Variants in PTN observed in about 807,000 individuals in gnomAD.
The protein encoded by PTN is heparin affin regulatory protein.
PTN carries 18 observed loss-of-function variants against 24.1 expected under a neutral mutation model. The observed-to-expected ratio is 0.75, with a 90% confidence interval of 0.52 to 1.11. The LOEUF (loss-of-function observed/expected upper bound fraction) is 1.11. Ranked by LOEUF, PTN falls within the 50% of genes least tolerant of loss-of-function variation. The pLI, the probability that PTN is intolerant of heterozygous loss-of-function variation, is 0.00. For missense variants in PTN, 163 were observed against 198.8 expected (o/e 0.82, Z 1.08); for synonymous variants, 78 against 68.6 (o/e 1.14, Z -0.67).
Position 137,227,855 on chromosome 7 carries a change from C to A in PTN, c.*165G>T. On this transcript the variant is annotated 3_prime_UTR_variant, in exon 5 of 5. Transcript: ENST00000348225. ...AAGCCCCTACTGGTACTATAGTATA[C>A]ATTTAAAAAACGCTACTACAAAAAT... is the stretch of plus-strand genomic sequence containing the variant. 1.4e-6 allele frequency: 1 copy of A among 721,066 alleles called. No homozygotes were observed. Among genetic ancestry groups the A allele is most frequent in the Middle Eastern group, 3.4e-4 (1 of 2,966 alleles). 44.7% of individuals were successfully genotyped at this position (721,066 alleles called of 1,614,324 possible).
At chr7:137,276,432 C>T (rs1465360353) in intron 1 of PTN, among the ~76,000 whole-genome samples, 1 of 152,126 alleles carries the variant, frequency 6.6e-6, no homozygotes, top group Non-Finnish European at 1.5e-5. Flanking sequence ...TAGAAGAGGA[C>T]GTCCTGCAAT....
At chr7:137,314,880 A>T (rs1810045177) in intron 1 of PTN, among the ~76,000 whole-genome samples, 1 of 152,168 alleles carries the variant, frequency 6.6e-6, no homozygotes, top group Non-Finnish European at 1.5e-5. Flanking sequence ...GGTGTGAGCC[A>T]CCGCACCCGG....
At chr7:137,251,736 T>C (rs1808831565) in intron 3 of PTN, among the ~76,000 whole-genome samples, 2 of 151,888 alleles carry the variant, frequency 1.3e-5, no homozygotes, top group Non-Finnish European at 2.9e-5. Flanking sequence ...ATCTGTTCTC[T>C]AGCTCTATCA....
chr7:137,297,931 T>C (rs1054230699), intron 1 of PTN, among the ~76,000 whole-genome samples: 1 of 151,940 alleles, frequency 6.6e-6, no homozygotes, highest in African/African-American at 2.4e-5. Context: ...TGTTTCCAGG[T>C]GTCGTTTACC....
At chr7:137,336,397 T>C (rs1406457625) in intron 1 of PTN, among the ~76,000 whole-genome samples, 1 of 152,074 alleles carries the variant, frequency 6.6e-6, no homozygotes, top group Non-Finnish European at 1.5e-5. Flanking sequence ...AGAGAGAATG[T>C]GGTTATGAGC....
chr7:137,333,146 T>C (rs1319922816), intron 1 of PTN, among the ~76,000 whole-genome samples: 2 of 152,086 alleles, frequency 1.3e-5, no homozygotes, highest in Admixed American at 1.3e-4. Context: ...CAGGAGCTGA[T>C]TGTTAAAAAG....
At chr7:137,298,614 G>T (rs1357977566) in intron 1 of PTN, among the ~76,000 whole-genome samples, 1 of 151,788 alleles carries the variant, frequency 6.6e-6, no homozygotes, top group African/African-American at 2.4e-5. Context: ...TTCCATAGAG[G>T]CTCTACTTTA....
At chr7:137,231,843 C>T (rs1272100745) in intron 4 of PTN, among the ~76,000 whole-genome samples, 2 of 151,874 alleles carry the variant, frequency 1.3e-5, no homozygotes, top group African/African-American at 4.8e-5. Context: ...TTTCTTAAAA[C>T]TTTGTCTTTA....
intron 4 of PTN, among the ~76,000 whole-genome samples, chr7:137,246,130 TC>T (rs1344986129): frequency 6.6e-6 from 1 of 152,142 alleles, no homozygotes; most frequent in Non-Finnish European, 1.5e-5. Context: ...CAGAGCAACT[TC>T]CAGTCCTGCA....
intron 1 of PTN, among the ~76,000 whole-genome samples, chr7:137,341,265 C>T (rs1810529227): frequency 2.6e-5 from 4 of 152,054 alleles, no homozygotes; most frequent in Admixed American, 2.6e-4. Context: ...AACAACTAGG[C>T]TTTTATGAAA....
intron 1 of PTN, among the ~76,000 whole-genome samples, chr7:137,294,895 C>G (rs995378388): frequency 8.6e-5 from 13 of 152,026 alleles, no homozygotes. Flanking sequence ...AAGTGGCTCA[C>G]AGAATTTTAA....
chr7:137,285,729 T>C (rs1329489452), intron 1 of PTN, among the ~76,000 whole-genome samples: 2 of 152,236 alleles, frequency 1.3e-5, no homozygotes, highest in African/African-American at 4.8e-5. Flanking sequence ...TTAGACCATA[T>C]AATAACATCT....
chr7:137,262,677 G>T (rs2128872851), intron 1 of PTN, among the ~76,000 whole-genome samples: 1 of 152,302 alleles, frequency 6.6e-6, no homozygotes, highest in Non-Finnish European at 1.5e-5. Context: ...GGGTCCACAT[G>T]AGAGGGTCGT....
chr7:137,283,362 C>T (rs1809502994), intron 1 of PTN, among the ~76,000 whole-genome samples: 1 of 152,068 alleles, frequency 6.6e-6, no homozygotes. Flanking sequence ...CTATTTCCAG[C>T]CGATTCAGTT....
chr7:137,310,643 A>G (rs1013356743), intron 1 of PTN, among the ~76,000 whole-genome samples: 3 of 151,984 alleles, frequency 2.0e-5, no homozygotes, highest in Non-Finnish European at 2.9e-5. Context: ...TGACCTCATG[A>G]TCCGCCTGTC....
intron 4 of PTN, among the ~76,000 whole-genome samples, chr7:137,236,647 C>G (rs1207579232): frequency 6.6e-6 from 1 of 152,028 alleles, no homozygotes; most frequent in Non-Finnish European, 1.5e-5. Flanking sequence ...ACCTCTATAC[C>G]TAAACACAAA....
chr7:137,245,608 G>GT (rs1563198080), intron 4 of PTN, among the ~76,000 whole-genome samples: 3 of 150,636 alleles, frequency 2.0e-5, no homozygotes, highest in Admixed American at 2.0e-4. Flanking sequence ...CTTCTTCTTA[G>GT]TAAAAAAAAA....
At chr7:137,304,154 A>G (rs1444864831) in intron 1 of PTN, among the ~76,000 whole-genome samples, 1 of 152,026 alleles carries the variant, frequency 6.6e-6, no homozygotes, top group Non-Finnish European at 1.5e-5. Flanking sequence ...ACTGACCCCA[A>G]GATTTGCATT....
intron 4 of PTN, among the ~76,000 whole-genome samples, chr7:137,246,115 T>C (rs1808719078): frequency 6.6e-6 from 1 of 152,162 alleles, no homozygotes; most frequent in Non-Finnish European, 1.5e-5. Context: ...ATTCAGTGAC[T>C]CACCCAGAGC....
Sources: gnomAD v4.1 joint callset for allele counts (sites outside exome capture counted in the v4.1 genomes callset) on GRCh38, gnomAD v4.1.1 for gene constraint, MANE v1.5 for transcripts, NCBI Gene and HGNC (gene_info 2026-07-23, HGNC 2026-07-21) for gene names.